The following PTPRT variants were observed in gnomAD, a reference collection of about 807,000 sequenced individuals.
PTPRT encodes receptor-type tyrosine-protein phosphatase T.
In PTPRT, 56 loss-of-function variants were observed where a neutral mutation model predicts 176.8. The ratio of observed to expected loss-of-function variants is 0.32; its 90% CI spans 0.26 to 0.40. The LOEUF (loss-of-function observed/expected upper bound fraction) is 0.40. PTPRT is among the 10% of genes least tolerant of loss of function. The pLI is 1.00. For synonymous variants in PTPRT, 783 were observed against 739.0 expected (o/e 1.06, Z -0.96); for missense variants, 1,540 against 1,908.2 (o/e 0.81, Z 3.60).
Position 42,616,414 on chromosome 20 carries a change from G to A in PTPRT, c.1153+61452C>T, listed in dbSNP as rs1340527460. Among the ~76,000 whole-genome samples the A allele has an allele frequency of 2.1e-4, 26 of 122,014 alleles. 3 individuals are homozygous for A. Among genetic ancestry groups the A allele is most frequent in the African/African-American group, 7.8e-4 (21 of 26,944 alleles). The allele number at this position is 122,014 out of a possible 152,430, so 80.0% of individuals were successfully genotyped here. A position where few individuals can be genotyped will look rare whatever the true frequency, so the allele number is the denominator to read the frequency against. Reference sequence around the variant, plus strand: ...TCTTTTGGGTTAGGATTGACTTGGCGATGCGGGCTCTTTTTTGGTTCCATA... The same window carrying A: ...TCTTTTGGGTTAGGATTGACTTGGCAATGCGGGCTCTTTTTTGGTTCCATA... On this transcript the variant is annotated intron_variant, in intron 7 of 30. Coordinates refer to ENST00000373187, the MANE Select transcript of PTPRT (RefSeq NM_007050.6).
chr20:42,855,458 A>G (rs1455367741), intron 2 of PTPRT, among the ~76,000 whole-genome samples: 1 of 132,652 alleles, frequency 7.5e-6, no homozygotes, highest in Admixed American at 7.8e-5. Context: ...TTTTGGAGAC[A>G]GAGTCTCACT....
intron 1 of PTPRT, among the ~76,000 whole-genome samples, chr20:43,183,961 A>G (rs1438702267): frequency 6.6e-6 from 1 of 152,228 alleles, no homozygotes; most frequent in African/African-American, 2.4e-5. Flanking sequence ...TGCTACAAAC[A>G]TTCATGCTCG....
intron 7 of PTPRT, among the ~76,000 whole-genome samples, chr20:42,508,566 G>A (rs1445859773): frequency 1.3e-5 from 2 of 152,044 alleles, no homozygotes; most frequent in African/African-American, 2.4e-5. Flanking sequence ...TATTCTAAGT[G>A]ACTTATAAAT....
At chr20:42,790,163 G>A (rs2077351215) in intron 3 of PTPRT, among the ~76,000 whole-genome samples, 1 of 151,954 alleles carries the variant, frequency 6.6e-6, no homozygotes. Context: ...TTAAGTCATG[G>A]GATTGCACAC....
Position 42,087,281 on chromosome 20 carries a change from A to G in PTPRT, c.3847-1428T>C, listed in dbSNP as rs558363432. On this transcript the variant is annotated intron_variant, in intron 27 of 30. Coordinates refer to ENST00000373187, the MANE Select transcript of PTPRT (RefSeq NM_007050.6). ...AGTCTCACTCTGTTACCTAGGCGGG[A>G]GTGCAGTGGTGCGATCTTGGCTTGC... Among the ~76,000 whole-genome samples, 11 of 152,124 alleles carry G rather than the reference A, an allele frequency of 7.2e-5. No individual in the cohort carries two copies. In the South Asian group the frequency reaches 2.3e-3, roughly 32 times the overall value.
intron 11 of PTPRT, among the ~76,000 whole-genome samples, chr20:42,321,996 C>G (rs2057805391): frequency 6.6e-6 from 1 of 152,124 alleles, no homozygotes; most frequent in South Asian, 2.1e-4. Context: ...TGCCGTGAAC[C>G]CGGAAGGCAG....
intron 1 of PTPRT, among the ~76,000 whole-genome samples, chr20:43,188,739 C>G (rs1385913357): frequency 7.5e-6 from 1 of 132,602 alleles, no homozygotes; most frequent in African/African-American, 2.8e-5. Flanking sequence ...CTTCCCTCCG[C>G]CGCTACTCTT....
intron 16 of PTPRT, among the ~76,000 whole-genome samples, chr20:42,162,216 T>C (rs1989633090): frequency 6.6e-6 from 1 of 152,216 alleles, no homozygotes; most frequent in Admixed American, 6.5e-5. Flanking sequence ...TCCAGTGGCA[T>C]CACTGAACCC....
At chr20:42,937,652 G>C (rs901883633) in intron 1 of PTPRT, among the ~76,000 whole-genome samples, 16 of 152,206 alleles carry the variant, frequency 1.1e-4, no homozygotes, top group East Asian at 3.9e-4. Flanking sequence ...AGAGAGTTGA[G>C]AGCAGCTCTT....
intron 1 of PTPRT, among the ~76,000 whole-genome samples, chr20:42,939,551 T>C (rs1010984513): frequency 6.6e-6 from 1 of 152,176 alleles, no homozygotes; most frequent in African/African-American, 2.4e-5. Context: ...GAGACACTGT[T>C]TTTTCGGTCA....
At chr20:42,882,599 T>C (rs947095657) in intron 2 of PTPRT, among the ~76,000 whole-genome samples, 5 of 152,362 alleles carry the variant, frequency 3.3e-5, no homozygotes, top group African/African-American at 1.2e-4. Flanking sequence ...CATTCATTCC[T>C]GTATTAATAA....
chr20:42,462,283 G>C (rs949045808), intron 8 of PTPRT, among the ~76,000 whole-genome samples: 3 of 152,172 alleles, frequency 2.0e-5, no homozygotes, highest in East Asian at 3.9e-4. Context: ...GAATGGGCCA[G>C]GGAAAGACAG....
At chr20:42,227,189 G>A (rs1388356717) in intron 15 of PTPRT, among the ~76,000 whole-genome samples, 1 of 151,916 alleles carries the variant, frequency 6.6e-6, no homozygotes, top group East Asian at 1.9e-4. Flanking sequence ...GGAAGAGGAG[G>A]AAGGGAAGAG....
In PTPRT at chr20:42,677,757, A is replaced by G. The variant is rs2075531744; in HGVS notation, c.1153+109T>C. ...TTTATCCACAATAGGAAGCACATTC[A>G]CATTCAAAGAAAATTCGGAATTATC... On this transcript the variant is annotated intron_variant, in intron 7 of 30. Coordinates refer to ENST00000373187, the MANE Select transcript of PTPRT (RefSeq NM_007050.6). The G allele has an allele frequency of 5.5e-6, 7 of 1,283,328 alleles. No individual in the cohort carries two copies. The South Asian group carries it at 1.0e-4, about 18-fold the overall frequency. 79.5% of individuals were successfully genotyped at this position (1,283,328 alleles called of 1,614,324 possible).
At chr20:42,629,327 G>A (rs1411646604) in intron 7 of PTPRT, among the ~76,000 whole-genome samples, 2 of 152,042 alleles carry the variant, frequency 1.3e-5, no homozygotes, top group Non-Finnish European at 2.9e-5. Context: ...AACTATAGTT[G>A]TCAAAGAATG....
chr20:42,276,630 T>C (rs1044012034), intron 13 of PTPRT, among the ~76,000 whole-genome samples: 3 of 146,034 alleles, frequency 2.1e-5, no homozygotes, highest in Middle Eastern at 3.6e-3. Flanking sequence ...ATTCGTAGAT[T>C]TTAACTGACT....
chr20:42,256,036 T>C (rs727336), intron 13 of PTPRT, among the ~76,000 whole-genome samples: 72,508 of 152,052 alleles, frequency 0.48, 19,224 homozygotes, highest in Non-Finnish European at 0.58. Flanking sequence ...TGGCTTTGTA[T>C]GTATCTGGCA....
At chr20:43,020,475 T>G (rs206151) in intron 1 of PTPRT, among the ~76,000 whole-genome samples, 2 of 151,788 alleles carry the variant, frequency 1.3e-5, no homozygotes, top group Non-Finnish European at 2.9e-5. Flanking sequence ...ATCACCCTAC[T>G]GTTTACATTT....
At chr20:43,104,852 T>C (rs2012533842) in intron 1 of PTPRT, among the ~76,000 whole-genome samples, 1 of 152,192 alleles carries the variant, frequency 6.6e-6, no homozygotes, top group African/African-American at 2.4e-5. Flanking sequence ...ATTAAATAGA[T>C]AATGCACACA....
Sources: allele counts gnomAD v4.1 joint callset (sites outside exome capture counted in the v4.1 genomes callset), GRCh38; gene constraint gnomAD v4.1.1; transcripts MANE v1.5; gene names NCBI Gene and HGNC (gene_info 2026-07-23, HGNC 2026-07-21).